JHY: variants seen among roughly 807,000 people sequenced by gnomAD.
JHY encodes the protein junctional cadherin complex regulator.
JHY carries 69 observed loss-of-function variants against 78.0 expected under a neutral mutation model. The ratio of observed to expected loss-of-function variants is 0.88; its 90% confidence interval spans 0.73 to 1.08. The LOEUF (loss-of-function observed/expected upper bound fraction) is 1.08. Among genes scored for constraint, JHY ranks in the 50% least tolerant of loss-of-function variants. The pLI is 0.00. For missense variants in JHY, 944 were observed against 927.8 expected, an observed-to-expected ratio of 1.02 and a Z score of -0.23; for synonymous variants, 368 against 342.6, an observed-to-expected ratio of 1.07 and a Z score of -0.82.
At chr11:122,893,614 A>C (rs1232815514) in intron 2 of JHY, among the ~76,000 whole-genome samples, 2 of 152,250 alleles carry the variant, frequency 1.3e-5, no homozygotes, top group Admixed American at 6.5e-5. Flanking sequence ...GAAGATCATA[A>C]TGAAATGACT....
At chr11:122,924,836 C>A (rs1444631483) in intron 3 of JHY, 61 bp from the exon 4 acceptor site, 1 of 1,345,256 alleles carries the variant, frequency 7.4e-7, no homozygotes, top group Non-Finnish European at 1.1e-6. Flanking sequence ...AGACTTGAGT[C>A]CCATGGCTCT....
In JHY at chr11:122,904,317, C is replaced by A. The variant is rs777685826; in HGVS notation, c.737C>A (p.Pro246His). 6 of 1,614,128 alleles carry A rather than the reference C, an allele frequency of 3.7e-6. No individual in the cohort carries two copies. The South Asian group carries it at 6.6e-5, about 18-fold the overall frequency. The stretch of plus-strand genomic sequence containing the variant: ...GTTTTCCTGCCGGGATCACGTGGCC[C>A]TCGGCGAAGGAAATCCAAACAACAT... ...NEVFLPGSRG[P>H]RRRKSKQHFV... Residue 246 changes from proline (P) to histidine (H), a missense_variant, in exon 3 of 9, where the codon CCT becomes CAT. Transcript: ENST00000227349.
In JHY at chr11:122,960,678, T is replaced by G. The variant is rs1381406845; in HGVS notation, c.*1233T>G. ...GTTACTTGTCTATGTAATTTAAAAA[T>G]ATGGTGCCTCTATTGGAGAATCTGC... On this transcript the variant is annotated 3_prime_UTR_variant, in exon 9 of 9. Transcript: ENST00000227349. 5.3e-6 allele frequency: 2 copies of G among 379,888 alleles called. No homozygotes were observed. Among genetic ancestry groups the G allele is most frequent in the Non-Finnish European group, 1.1e-5 (2 of 188,164 alleles). The allele number at this position is 379,888 out of a possible 1,614,324, so 23.5% of individuals were successfully genotyped here. A position where few individuals can be genotyped will look rare whatever the true frequency, so the allele number is the denominator to read the frequency against.
chr11:122,958,869 T>A, intron 8 of JHY: 4 of 985,386 alleles, frequency 4.1e-6, no homozygotes, highest in Non-Finnish European at 4.8e-6. Flanking sequence ...CTGTAACAAG[T>A]CTTCTTTGGA....
intron 2 of JHY, among the ~76,000 whole-genome samples, chr11:122,887,981 G>A (rs1356751447): frequency 6.6e-6 from 1 of 151,520 alleles, no homozygotes; most frequent in Non-Finnish European, 1.5e-5. Flanking sequence ...TCGTGTGGGA[G>A]CGAGAAGTAG....
At chr11:122,905,122 C>CT in intron 3 of JHY, 1 of 1,359,842 alleles carries the variant, frequency 7.4e-7, no homozygotes, top group Non-Finnish European at 1.1e-6. Flanking sequence ...ACATTAGTCT[C>CT]TTTATTTGTA....
intron 3 of JHY, among the ~76,000 whole-genome samples, chr11:122,919,122 G>A (rs1216504999): frequency 1.3e-5 from 2 of 151,972 alleles, no homozygotes; most frequent in Non-Finnish European, 2.9e-5. Context: ...GAAGGCTCAG[G>A]TGGCGGATCA....
intron 3 of JHY, among the ~76,000 whole-genome samples, chr11:122,923,717 A>T (rs944388024): frequency 2.7e-5 from 4 of 150,830 alleles, no homozygotes; most frequent in East Asian, 3.9e-4. Flanking sequence ...TTATCTATTT[A>T]TATTTATTTA....
chr11:122,945,480 A>G (rs1863945181), intron 5 of JHY, among the ~76,000 whole-genome samples: 1 of 152,146 alleles, frequency 6.6e-6, no homozygotes, highest in South Asian at 2.1e-4. Context: ...AGTTCTTGGA[A>G]GTCTACTATT....
At chr11:122,959,017 G>A (rs1272207283) in intron 8 of JHY, 14 of 984,014 alleles carry the variant, frequency 1.4e-5, no homozygotes, top group African/African-American at 1.7e-5. Context: ...GGACACAACC[G>A]TATGTATTAT....
chr11:122,919,595 G>A (rs1863315267), intron 3 of JHY, among the ~76,000 whole-genome samples: 1 of 152,128 alleles, frequency 6.6e-6, no homozygotes, highest in African/African-American at 2.4e-5. Flanking sequence ...AAGTATTGAA[G>A]GGTTTTTAAG....
intron 4 of JHY, among the ~76,000 whole-genome samples, chr11:122,928,377 A>G (rs903495825): frequency 6.6e-6 from 1 of 152,162 alleles, no homozygotes; most frequent in African/African-American, 2.4e-5. Context: ...CTCATTTGAA[A>G]ATTTTTTCTT....
rs1258312144 is a variant in JHY, at chr11:122,904,429, A to G, written c.849A>G (p.Glu283=). 6 of 1,612,942 alleles carry G rather than the reference A, an allele frequency of 3.7e-6. No homozygotes were observed. Among genetic ancestry groups the G allele is most frequent in the African/African-American group, 1.3e-5 (1 of 74,830 alleles). Residue 283 remains glutamate (E), a synonymous_variant, in exon 3 of 9, where the codon GAA becomes GAG. Transcript: ENST00000227349. ...AACTTCACAATAAAAAAAGAGGGGA[A>G]TCTCATCCAGAACAGGTACGTAGTG... The part of the protein sequence containing the change: ...YLQLHNKKRG[E]SHPEQISYPV...
intron 5 of JHY, among the ~76,000 whole-genome samples, chr11:122,942,231 GTTTA>G (rs2135366765): frequency 6.6e-6 from 1 of 152,194 alleles, no homozygotes; most frequent in South Asian, 2.1e-4. Flanking sequence ...AACCACAATA[GTTTA>G]TTTGTGCTTT....
At chr11:122,886,411 G>A (rs946918253) in intron 2 of JHY, among the ~76,000 whole-genome samples, 1 of 151,946 alleles carries the variant, frequency 6.6e-6, no homozygotes, top group Non-Finnish European at 1.5e-5. Flanking sequence ...AGGGCAATTC[G>A]CATTTCTCAT....
At chr11:122,907,554 G>T (rs1253856813) in intron 3 of JHY, among the ~76,000 whole-genome samples, 1 of 152,062 alleles carries the variant, frequency 6.6e-6, no homozygotes, top group Non-Finnish European at 1.5e-5. Context: ...TTTTAAAAGT[G>T]ATTTTTTTGA....
At chr11:122,922,715 C>A (rs1480914730) in intron 3 of JHY, among the ~76,000 whole-genome samples, 1 of 148,132 alleles carries the variant, frequency 6.8e-6, no homozygotes, top group Non-Finnish European at 1.5e-5. Context: ...GAGGCTGAGG[C>A]AGGAGAATGG....
intron 3 of JHY, among the ~76,000 whole-genome samples, chr11:122,922,809 C>CAAAAAAAAAAAAAAAAAAAAAAA (rs571482464): frequency 2.3e-5 from 1 of 44,372 alleles, no homozygotes; most frequent in African/African-American, 4.5e-5. Flanking sequence ...GACTCCGTCT[C>CAAAAAAAAAAAAAAAAAAAAAAA]AAAAAAAAAA....
chr11:122,907,584 C>A (rs376461685), intron 3 of JHY, among the ~76,000 whole-genome samples: 17 of 152,154 alleles, frequency 1.1e-4, no homozygotes, highest in South Asian at 6.2e-4. Flanking sequence ...GTGGCTCACG[C>A]CTGTAATCCT....
Sources: allele counts gnomAD v4.1 joint callset (sites outside exome capture counted in the v4.1 genomes callset), GRCh38; gene constraint gnomAD v4.1.1; transcripts MANE v1.5; gene names NCBI Gene and HGNC (gene_info 2026-07-23, HGNC 2026-07-21).